ADCY5: variants seen among roughly 807,000 people sequenced by gnomAD.
ADCY5 encodes adenylate cyclase type 5.
Under a neutral mutation model 119.7 loss-of-function variants are expected in ADCY5, and 30 were observed. That is an observed-to-expected ratio of 0.25 (90% confidence interval 0.19 to 0.34). ADCY5 has a LOEUF of 0.34. ADCY5 is among the 10% of genes least tolerant of loss of function. The pLI, the probability that ADCY5 is intolerant of heterozygous loss-of-function variation, is 1.00. For missense variants in ADCY5, 1,324 were observed against 1,775.2 expected (o/e 0.75, Z 4.57); for synonymous variants, 753 against 762.2 (o/e 0.99, Z 0.20).
chr3:123,412,192 A>G (rs930134498), intron 1 of ADCY5, among the ~76,000 whole-genome samples: 2 of 152,182 alleles, frequency 1.3e-5, no homozygotes, highest in South Asian at 2.1e-4. Flanking sequence ...CTGCGGCAGG[A>G]AAGAGGACAC....
chr3:123,400,994 T>TA (rs1251149291), intron 1 of ADCY5, among the ~76,000 whole-genome samples: 2 of 151,652 alleles, frequency 1.3e-5, no homozygotes, highest in Non-Finnish European at 2.9e-5. Flanking sequence ...AAAGAGCTGA[T>TA]ACGGTATGAA....
chr3:123,412,358 T>C (rs1445420348), intron 1 of ADCY5, among the ~76,000 whole-genome samples: 3 of 151,984 alleles, frequency 2.0e-5, no homozygotes, highest in African/African-American at 4.8e-5. Flanking sequence ...AAGGACCCAA[T>C]AGGACGTCCC....
intron 1 of ADCY5, among the ~76,000 whole-genome samples, chr3:123,394,459 T>C (rs1343428136): frequency 1.3e-5 from 2 of 152,168 alleles, no homozygotes; most frequent in Non-Finnish European, 2.9e-5. Flanking sequence ...GACTCCACAC[T>C]CACATTCATG....
In ADCY5 at chr3:123,443,752, G is replaced by A. The variant is rs528057402; in HGVS notation, c.1134+3660C>T. ...CCACACTGCAGGGAAAACCCCTAGTGGCTCCCCCAAGCTCACGGGGACCCA... is the reference window on the plus strand; with the variant it reads ...CCACACTGCAGGGAAAACCCCTAGTAGCTCCCCCAAGCTCACGGGGACCCA... On this transcript the variant is annotated intron_variant, in intron 1 of 20. Transcript: ENST00000462833. Among the ~76,000 whole-genome samples, 5 of 152,266 alleles carry A rather than the reference G, an allele frequency of 3.3e-5. No homozygotes were observed. In the East Asian group the frequency reaches 5.8e-4, roughly 18 times the overall value.
At chr3:123,373,260 T>G (rs1022937780) in intron 1 of ADCY5, among the ~76,000 whole-genome samples, 3 of 152,242 alleles carry the variant, frequency 2.0e-5, no homozygotes, top group Non-Finnish European at 4.4e-5. Flanking sequence ...GAATACAGAC[T>G]GATCTGACTT....
intron 3 of ADCY5, among the ~76,000 whole-genome samples, chr3:123,336,447 C>T (rs1348620976): frequency 6.6e-6 from 1 of 152,244 alleles, no homozygotes; most frequent in East Asian, 1.9e-4. Flanking sequence ...ACAAAGCTGG[C>T]AGGCAGCACG....
chr3:123,419,717 C>CCCCT (rs1299580863), intron 1 of ADCY5, among the ~76,000 whole-genome samples: 2 of 152,056 alleles, frequency 1.3e-5, no homozygotes, highest in African/African-American at 4.8e-5. Context: ...TCCACTGCTC[C>CCCCT]CCCTGCCAGC....
rs147065271 is a variant in ADCY5, at chr3:123,306,342, AG to A, written c.2443-2160del. Among the ~76,000 whole-genome samples, 594 of 152,292 alleles carry A rather than the reference AG, an allele frequency of 3.9e-3. 2 individuals carry two copies. Among genetic ancestry groups the A allele is most frequent in the African/African-American group, 0.013 (542 of 41,554 alleles). On this transcript the variant is annotated intron_variant, in intron 12 of 20. Transcript: ENST00000462833. ...ACAGATATCCACATGCAAAAAATGA[AG>A]TTGGGTCCCTACTGCACCCTGTACA... is the stretch of plus-strand genomic sequence containing the variant.
intron 13 of ADCY5, among the ~76,000 whole-genome samples, chr3:123,303,662 AAAAC>A (rs1190376022): frequency 6.6e-6 from 1 of 152,098 alleles, no homozygotes; most frequent in Non-Finnish European, 1.5e-5. Context: ...ATCTCTAAAA[AAAAC>A]AGACAAAAAT....
intron 12 of ADCY5, among the ~76,000 whole-genome samples, chr3:123,304,439 G>C (rs1313846650): frequency 1.3e-5 from 2 of 152,158 alleles, no homozygotes; most frequent in Non-Finnish European, 2.9e-5. Flanking sequence ...AGGTGAGAGA[G>C]GCAGGAAGAC....
intron 1 of ADCY5, among the ~76,000 whole-genome samples, chr3:123,421,768 C>T (rs990266886): frequency 6.6e-6 from 1 of 152,306 alleles, no homozygotes; most frequent in South Asian, 2.1e-4. Flanking sequence ...AAACCCACTG[C>T]TATGCTATAG....
chr3:123,332,723 G>C, intron 3 of ADCY5, 48 bp from the exon 4 acceptor site: 1 of 1,253,970 alleles, frequency 8.0e-7, no homozygotes, highest in Non-Finnish European at 1.2e-6. Context: ...CTGAATCTTT[G>C]TGTCTCCCAA....
rs1244748853 is a variant in ADCY5, at chr3:123,448,405, C to G, written c.141G>C (p.Gly47=). The change falls in exon 1 of 21, where the codon GGG becomes GGC. Residue 47 remains glycine (G), a synonymous_variant. Coordinates refer to ENST00000462833, the MANE Select transcript of ADCY5 (RefSeq NM_183357.3). The part of the protein sequence containing the change: ...SRANGYPHAP[G]GSARGSTKKP... Reference sequence around the variant, plus strand: ...TCTTGGTGGAGCCGCGGGCAGAGCCCCCGGGGGCATGGGGGTAGCCATTCG... The same window carrying G: ...TCTTGGTGGAGCCGCGGGCAGAGCCGCCGGGGGCATGGGGGTAGCCATTCG... 1 of 1,416,300 alleles carries G rather than the reference C, an allele frequency of 7.1e-7. No individual in the cohort carries two copies. The highest frequency in any genetic ancestry group is 9.2e-7 in the Non-Finnish European group (1 of 1,089,188). 87.7% of individuals were successfully genotyped at this position (1,416,300 alleles called of 1,614,324 possible).
intron 18 of ADCY5, 107 bp downstream of exon 18, chr3:123,291,006 A>C (rs1559779017): frequency 7.1e-7 from 1 of 1,404,284 alleles, no homozygotes; most frequent in East Asian, 2.5e-5. Flanking sequence ...ATCACTGCTT[A>C]TGTCACGATG....
chr3:123,372,550 C>T (rs886988602), intron 1 of ADCY5, among the ~76,000 whole-genome samples: 2 of 152,290 alleles, frequency 1.3e-5, no homozygotes, highest in South Asian at 2.1e-4. Flanking sequence ...TTTAAGCCCA[C>T]GACACCAGAT....
At chr3:123,324,711 C>A (rs894824462) in intron 8 of ADCY5, among the ~76,000 whole-genome samples, 4 of 152,194 alleles carry the variant, frequency 2.6e-5, no homozygotes, top group Admixed American at 6.5e-5. Context: ...TGTGTGTAGG[C>A]AGGGTCCCTG....
chr3:123,327,956 C>G (rs1471706463), intron 6 of ADCY5, among the ~76,000 whole-genome samples, 197 bp from the exon 7 acceptor site: 2 of 152,226 alleles, frequency 1.3e-5, no homozygotes, highest in Non-Finnish European at 2.9e-5. Flanking sequence ...CCCACTGCAA[C>G]CACACTGTCT....
chr3:123,358,195 TAGGGA>T (rs1943111960), intron 1 of ADCY5, among the ~76,000 whole-genome samples: 17 of 149,184 alleles, frequency 1.1e-4, no homozygotes, highest in East Asian at 2.0e-4. Context: ...TGTGTGTGTG[TAGGGA>T]GTTGGTGGTA....
intron 1 of ADCY5, among the ~76,000 whole-genome samples, chr3:123,373,948 A>T (rs1247976124): frequency 6.6e-6 from 1 of 152,140 alleles, no homozygotes; most frequent in Non-Finnish European, 1.5e-5. Context: ...GTTTCTAGTG[A>T]TCATATGGTC....
Sources: gnomAD v4.1 joint callset for allele counts (sites outside exome capture counted in the v4.1 genomes callset) on GRCh38, gnomAD v4.1.1 for gene constraint, MANE v1.5 for transcripts, NCBI Gene and HGNC (gene_info 2026-07-23, HGNC 2026-07-21) for gene names.